The following SEMA3A variants were observed in gnomAD, a reference collection of about 807,000 sequenced individuals.
SEMA3A encodes semaphorin 3A, also known as semaphorin-3A.
SEMA3A carries 29 observed loss-of-function variants against 97.9 expected under a neutral mutation model. The ratio of observed to expected loss-of-function variants is 0.30; its 90% confidence interval spans 0.22 to 0.40. The LOEUF is 0.40. Among genes scored for constraint, SEMA3A ranks in the 10% least tolerant of loss-of-function variants. The probability of loss-of-function intolerance (pLI) is 1.00; values close to 1 mark genes in which losing one functional copy is unlikely to be tolerated. For missense variants in SEMA3A, 763 were observed against 951.3 expected (o/e 0.80, Z 2.60); for synonymous variants, 321 against 323.7 (o/e 0.99, Z 0.09).
chr7:84,054,934 C>G (rs1354789663), intron 5 of SEMA3A, among the ~76,000 whole-genome samples: 1 of 152,024 alleles, frequency 6.6e-6, no homozygotes, highest in African/African-American at 2.4e-5. Flanking sequence ...ACAGGACCCT[C>G]AGCTGCAGGT....
At chr7:84,119,317 A>C (rs186624962) in intron 3 of SEMA3A, among the ~76,000 whole-genome samples, 1 of 152,314 alleles carries the variant, frequency 6.6e-6, no homozygotes, top group Non-Finnish European at 1.5e-5. Flanking sequence ...GAGAAGCTTC[A>C]GGAATTTTCT....
At chr7:84,116,408 G>T (rs943326043) in intron 3 of SEMA3A, among the ~76,000 whole-genome samples, 16 of 152,076 alleles carry the variant, frequency 1.1e-4, no homozygotes, top group Non-Finnish European at 2.2e-4. Context: ...CATTCGGAAA[G>T]AAAGAACTTT....
chr7:84,458,061 C>A (rs537086124), intron 1 of SEMA3A, among the ~76,000 whole-genome samples: 1 of 152,084 alleles, frequency 6.6e-6, no homozygotes, highest in Non-Finnish European at 1.5e-5. Context: ...ATGTTTACAA[C>A]CTGTTTCTTC....
At chr7:84,048,995 A>G (rs1185732146) in intron 5 of SEMA3A, among the ~76,000 whole-genome samples, 2 of 152,098 alleles carry the variant, frequency 1.3e-5, no homozygotes, top group Non-Finnish European at 2.9e-5. Context: ...GACAGACAAA[A>G]ATCAATGCAA....
intron 1 of SEMA3A, among the ~76,000 whole-genome samples, chr7:84,452,666 G>A (rs1386877923): frequency 6.6e-6 from 1 of 152,172 alleles, no homozygotes; most frequent in South Asian, 2.1e-4. Flanking sequence ...TATGTAGTTA[G>A]ACACTCACAG....
intron 1 of SEMA3A, among the ~76,000 whole-genome samples, chr7:84,150,645 C>T (rs1394314488): frequency 2.0e-5 from 3 of 152,054 alleles, no homozygotes; most frequent in Admixed American, 6.5e-5. Flanking sequence ...AACTGCAAGG[C>T]GGCAGTGAGG....
chr7:84,439,205 G>T (rs543278309), intron 1 of SEMA3A, among the ~76,000 whole-genome samples: 3 of 151,898 alleles, frequency 2.0e-5, no homozygotes, highest in Non-Finnish European at 2.9e-5. Context: ...TTTCTGATTT[G>T]TATCTATTAG....
intron 1 of SEMA3A, among the ~76,000 whole-genome samples, chr7:84,419,116 C>T (rs1184609918): frequency 6.6e-6 from 1 of 151,996 alleles, no homozygotes; most frequent in Non-Finnish European, 1.5e-5. Flanking sequence ...ATTAGTTGGT[C>T]AGTTAAGGTG....
rs1464413563 is a variant in SEMA3A at position 83,957,740 on chromosome 7, CT to C, written c.*3630del. 1 of 151,988 alleles carries C rather than the reference CT, an allele frequency of 6.6e-6. No homozygotes were observed. The highest frequency in any genetic ancestry group is 2.4e-5 in the African/African-American group (1 of 41,412). The allele number at this position is 151,988 out of a possible 1,614,324, so 9.4% of individuals were successfully genotyped here. ...GATTTTTGAAAAATAATGTTTTCTT[CT>C]TTATGGAAACATGTATTTGCAAACA... On this transcript the variant is annotated 3_prime_UTR_variant, in exon 17 of 17. Coordinates refer to ENST00000265362, the MANE Select transcript of SEMA3A (RefSeq NM_006080.3).
intron 3 of SEMA3A, among the ~76,000 whole-genome samples, chr7:84,127,256 T>C (rs1027603632): frequency 5.3e-5 from 8 of 152,080 alleles, no homozygotes; most frequent in African/African-American, 1.9e-4. Context: ...ATATGTGTGA[T>C]CAAATTCCTG....
At chr7:84,253,559 T>A (rs1482570665) in intron 3 of SEMA3A, among the ~76,000 whole-genome samples, 3 of 152,300 alleles carry the variant, frequency 2.0e-5, no homozygotes, top group Middle Eastern at 3.4e-3. Context: ...AATGTATGTA[T>A]TCCATATATA....
intron 3 of SEMA3A, among the ~76,000 whole-genome samples, chr7:84,303,637 G>A (rs1485226492): frequency 6.6e-6 from 1 of 151,920 alleles, no homozygotes; most frequent in Non-Finnish European, 1.5e-5. Context: ...ACTTCACAAT[G>A]ATGCAGAAGT....
chr7:84,356,826 AT>A (rs1202863832), intron 2 of SEMA3A, among the ~76,000 whole-genome samples: 1 of 150,764 alleles, frequency 6.6e-6, no homozygotes, highest in Non-Finnish European at 1.5e-5. Flanking sequence ...ACAGAAAAAA[AT>A]TACAACATTA....
Position 84,450,509 on chromosome 7 carries a change from C to CA in SEMA3A, c.-246+41950dup, listed in dbSNP as rs1472022843. Among the ~76,000 whole-genome samples the CA allele has an allele frequency of 4.6e-5, 7 of 152,316 alleles. No homozygotes were observed. In the East Asian group the frequency reaches 1.4e-3, roughly 29 times the overall value. On this transcript the variant is annotated intron_variant, in intron 1 of 3. Transcript: ENST00000424555. Reference sequence around the variant, plus strand: ...AGAGCTTAGTGCTTTGAGGAACACTCATCTGTGATGCAATGTATGGCACAT... The same window carrying CA: ...AGAGCTTAGTGCTTTGAGGAACACTCAATCTGTGATGCAATGTATGGCACAT...
At chr7:84,065,889 A>C (rs1423029206) in intron 4 of SEMA3A, among the ~76,000 whole-genome samples, 1 of 151,782 alleles carries the variant, frequency 6.6e-6, no homozygotes, top group Non-Finnish European at 1.5e-5. Context: ...CAATCAATAG[A>C]AAAAGAGGGA....
intron 3 of SEMA3A, among the ~76,000 whole-genome samples, chr7:84,221,999 G>T (rs1002591838): frequency 6.6e-6 from 1 of 151,686 alleles, no homozygotes; most frequent in African/African-American, 2.4e-5. Flanking sequence ...AACAAGATAC[G>T]CCCGTATATC....
At chr7:84,320,086 C>T (rs1801609789) in intron 2 of SEMA3A, among the ~76,000 whole-genome samples, 1 of 152,038 alleles carries the variant, frequency 6.6e-6, no homozygotes, top group African/African-American at 2.4e-5. Context: ...CACTGTCACA[C>T]TTCTGTTTCT....
At chr7:84,447,110 G>A (rs1237484723) in intron 1 of SEMA3A, among the ~76,000 whole-genome samples, 1 of 152,146 alleles carries the variant, frequency 6.6e-6, no homozygotes, top group East Asian at 1.9e-4. Context: ...GCGCCATCAC[G>A]ACCTGGCCAG....
intron 7 of SEMA3A, among the ~76,000 whole-genome samples, chr7:84,011,509 G>A (rs1220694509): frequency 6.6e-6 from 1 of 151,816 alleles, no homozygotes; most frequent in African/African-American, 2.4e-5. Context: ...ACTTTTTAAG[G>A]GATATTTATT....
Sources: allele counts gnomAD v4.1 joint callset (sites outside exome capture counted in the v4.1 genomes callset), GRCh38; gene constraint gnomAD v4.1.1; transcripts MANE v1.5; gene names NCBI Gene and HGNC (gene_info 2026-07-23, HGNC 2026-07-21).